GRAMD2B: variants seen among roughly 807,000 people sequenced by gnomAD.
GRAMD2B encodes the protein GRAM domain-containing protein 2B.
In GRAMD2B, 41 loss-of-function variants were observed where a neutral mutation model predicts 59.2. The ratio of observed to expected loss-of-function variants is 0.69; its 90% CI spans 0.54 to 0.90. GRAMD2B has a LOEUF of 0.90. Ranked by LOEUF, GRAMD2B falls within the 40% of genes least tolerant of loss-of-function variation. The probability of loss-of-function intolerance (pLI) is 0.00; values close to 1 mark genes in which losing one functional copy is unlikely to be tolerated. For missense variants in GRAMD2B, 424 were observed against 500.5 expected, an observed-to-expected ratio of 0.85 and a Z score of 1.46; for synonymous variants, 161 against 182.7, an observed-to-expected ratio of 0.88 and a Z score of 0.96.
rs375619219 is a variant in GRAMD2B, at chr5:126,486,957, T to C, written c.1143T>C (p.Ile381=). 7.5e-6 allele frequency: 12 copies of C among 1,597,346 alleles called. No homozygotes were observed. Among genetic ancestry groups the C allele is most frequent in the Non-Finnish European group, 9.4e-6 (11 of 1,165,214 alleles). Residue 381 remains isoleucine (I), a synonymous_variant, in exon 12 of 14, where the codon ATT becomes ATC. Transcript: ENST00000285689. Reference sequence around the variant, plus strand: ...AGCAGCTGGGGTTACTAACCTCCATTGTGGACACCCATAATACTGAGTAAG... The same window carrying C: ...AGCAGCTGGGGTTACTAACCTCCATCGTGGACACCCATAATACTGAGTAAG... The part of the protein sequence containing the change: ...LEEQLGLLTS[I]VDTHNTEQAA...
At position 126,465,493 on chromosome 5, in the gene GRAMD2B, A is replaced by C. The variant is rs779351762; in HGVS notation, c.151A>C (p.Thr51Pro). Reference sequence around the variant, plus strand: ...CAGGTCGCCAACAGCCCAATCCCCTACCCCATCTGTGGAGGCGGACTCCCC... The same window carrying C: ...CAGGTCGCCAACAGCCCAATCCCCTCCCCCATCTGTGGAGGCGGACTCCCC... Reference protein sequence around the residue: ...ACRSPTAQSPTPSVEADSPDQ... With the variant: ...ACRSPTAQSPPPSVEADSPDQ... The change falls in exon 2 of 14, where the codon ACC (threonine) becomes CCC (proline). Residue 51 changes from threonine to proline, a missense_variant. Thr to Pro is a conservative substitution (Grantham distance 38). Coordinates refer to ENST00000285689, the MANE Select transcript of GRAMD2B (RefSeq NM_023927.4). The C allele has an allele frequency of 2.5e-6, 4 of 1,613,796 alleles. No individual in the cohort carries two copies. The highest frequency in any genetic ancestry group is 2.2e-5 in the South Asian group (2 of 91,088).
At chr5:126,419,372 C>A (rs1424121261), upstream of GRAMD2B, among the ~76,000 whole-genome samples, 1 of 152,078 alleles carries the variant, frequency 6.6e-6, no homozygotes, top group Non-Finnish European at 1.5e-5. Flanking sequence ...TACACACTTT[C>A]AAACAACCAG....
chr5:126,429,726 C>T lies in GRAMD2B; in HGVS notation c.83+6037C>T, dbSNP rs112839215. ...AAACTTCAAAGAGGTCAAATGCTTA[C>T]AGTAGCCTGCAACAATGTTCCATAA... On this transcript the variant is annotated intron_variant, in intron 1 of 13. Transcript: ENST00000285689. 7.0e-3 allele frequency among the ~76,000 whole-genome samples: 1,065 copies of T among 152,254 alleles called. 12 individuals are homozygous for T. Among genetic ancestry groups the T allele is most frequent in the African/African-American group, 0.024 (1,011 of 41,522 alleles).
chr5:126,431,174 T>G (rs1761515745), intron 1 of GRAMD2B, among the ~76,000 whole-genome samples: 1 of 152,172 alleles, frequency 6.6e-6, no homozygotes. Context: ...TTTTTATTGA[T>G]TAGTTTTCTT....
chr5:126,401,431 T>C (rs1757825272), intron 1 of GRAMD2B, among the ~76,000 whole-genome samples: 1 of 152,148 alleles, frequency 6.6e-6, no homozygotes, highest in South Asian at 2.1e-4. Context: ...TTGTCAGAAA[T>C]TCATAGGTCT....
chr5:126,397,352 G>A (rs944694344), intron 1 of GRAMD2B, among the ~76,000 whole-genome samples: 18 of 152,006 alleles, frequency 1.2e-4, no homozygotes, highest in Non-Finnish European at 2.4e-4. Context: ...AGCCTCTTGC[G>A]TAGCTGGGAC....
chr5:126,419,891 C>T (rs1306756135), upstream of GRAMD2B, among the ~76,000 whole-genome samples: 3 of 151,826 alleles, frequency 2.0e-5, no homozygotes, highest in African/African-American at 7.3e-5. Context: ...CCCGTCTCCA[C>T]TAAAAATACA....
intron 1 of GRAMD2B, among the ~76,000 whole-genome samples, chr5:126,423,985 A>C (rs985932756): frequency 6.6e-6 from 1 of 152,264 alleles, no homozygotes; most frequent in Non-Finnish European, 1.5e-5. Flanking sequence ...ATTGAAGCTC[A>C]AAGTCCCAAC....
chr5:126,480,841 G>A (rs1331154610), intron 8 of GRAMD2B, 134 bp downstream of exon 8: 3 of 700,862 alleles, frequency 4.3e-6, no homozygotes, highest in African/African-American at 3.6e-5. Context: ...GAAGAAACAG[G>A]GCATATCTTC....
chr5:126,372,298 T>C (rs924433546), intron 1 of GRAMD2B, among the ~76,000 whole-genome samples: 1 of 152,172 alleles, frequency 6.6e-6, no homozygotes, highest in African/African-American at 2.4e-5. Context: ...CATCCAACTT[T>C]CATGTAAACT....
chr5:126,402,793 G>A (rs1757950677), intron 1 of GRAMD2B, among the ~76,000 whole-genome samples: 1 of 151,860 alleles, frequency 6.6e-6, no homozygotes, highest in Admixed American at 6.6e-5. Context: ...TACAGCATAT[G>A]TGTCATATTA....
intron 2 of GRAMD2B, among the ~76,000 whole-genome samples, chr5:126,468,131 T>C (rs1011894412): frequency 2.0e-5 from 3 of 152,208 alleles, no homozygotes; most frequent in Non-Finnish European, 4.4e-5. Flanking sequence ...AACTTATTCA[T>C]ATATATAACT....
intron 1 of GRAMD2B, among the ~76,000 whole-genome samples, chr5:126,406,304 A>C (rs1002020714): frequency 4.6e-5 from 7 of 151,958 alleles, no homozygotes; most frequent in Non-Finnish European, 7.4e-5. Context: ...ATGTATACAT[A>C]TGTAACTAAC....
At chr5:126,400,402 C>T (rs1757720254) in intron 1 of GRAMD2B, among the ~76,000 whole-genome samples, 1 of 152,010 alleles carries the variant, frequency 6.6e-6, no homozygotes, top group African/African-American at 2.4e-5. Flanking sequence ...CTATTAATAT[C>T]ATGTATCTAT....
chr5:126,418,008 A>T lies in GRAMD2B; in HGVS notation c.125+46441A>T, dbSNP rs1759404805. ...TTGTGTTCAGTGTGTGGCAGGCCAAATAGAAATTAAGAAAGAACACAAATA... is the reference window on the plus strand; with the variant it reads ...TTGTGTTCAGTGTGTGGCAGGCCAATTAGAAATTAAGAAAGAACACAAATA... On this transcript the variant is annotated intron_variant, in intron 1 of 8. Coordinates refer to the GRAMD2B transcript ENST00000506445. Among the ~76,000 whole-genome samples, 3 of 152,340 alleles carry T rather than the reference A, an allele frequency of 2.0e-5. No homozygotes were observed. The South Asian group carries it at 6.2e-4, about 32-fold the overall frequency.
rs72782464 is a variant in GRAMD2B at position 126,377,200 on chromosome 5, C to T, written c.125+5633C>T. ...AAAATTCCTATGCCCTTTCAAGATG[C>T]ACCTGGAAGGTCTAGTTTAAGCTCT... is the stretch of plus-strand genomic sequence containing the variant. On this transcript the variant is annotated intron_variant, in intron 1 of 8. Transcript: ENST00000506445. Among the ~76,000 whole-genome samples, 263 of 150,148 alleles carry T rather than the reference C, an allele frequency of 1.8e-3. 1 individual carries two copies. The highest frequency in any genetic ancestry group is 3.4e-3 in the Middle Eastern group (1 of 294).
At position 126,473,334 on chromosome 5, in the gene GRAMD2B, G is replaced by A; in HGVS notation, c.452G>A (p.Cys151Tyr). The A allele has an allele frequency of 6.6e-7, 1 of 1,519,478 alleles. No homozygotes were observed. Among genetic ancestry groups the A allele is most frequent in the Non-Finnish European group, 8.9e-7 (1 of 1,123,436 alleles). 94.1% of individuals were successfully genotyped at this position (1,519,478 alleles called of 1,614,324 possible). A position where few individuals can be genotyped will look rare whatever the true frequency, so the allele number is the denominator to read the frequency against. ...CTCTTTGTATCAGAAAACTGGATTTGTTTTCATTCCAAAGTCTTTGGAAAA... is the reference window on the plus strand; with the variant it reads ...CTCTTTGTATCAGAAAACTGGATTTATTTTCATTCCAAAGTCTTTGGAAAA... ...GKLFVSENWI[C>Y]FHSKVFGKDT... Residue 151 changes from cysteine (C) to tyrosine (Y), a missense_variant, in exon 5 of 14, where the codon TGT becomes TAT. By Grantham distance (194) the Cys-to-Tyr change is radical. Transcript: ENST00000285689.
At chr5:126,413,733 T>C (rs1234889480) in intron 1 of GRAMD2B, among the ~76,000 whole-genome samples, 2 of 152,150 alleles carry the variant, frequency 1.3e-5, no homozygotes, top group Non-Finnish European at 2.9e-5. Flanking sequence ...ACTGTCTGTG[T>C]CTTTTTGTAG....
At chr5:126,373,921 A>G (rs1017890947) in intron 1 of GRAMD2B, among the ~76,000 whole-genome samples, 7 of 152,198 alleles carry the variant, frequency 4.6e-5, no homozygotes, top group Admixed American at 2.0e-4. Flanking sequence ...TTAGAGTTCT[A>G]TTCTAATTGT....
Sources: gnomAD v4.1 joint callset for allele counts (sites outside exome capture counted in the v4.1 genomes callset) on GRCh38, gnomAD v4.1.1 for gene constraint, MANE v1.5 for transcripts, NCBI Gene and HGNC (gene_info 2026-07-23, HGNC 2026-07-21) for gene names.